Variants in AKR1A1 observed in about 807,000 individuals in gnomAD.
AKR1A1 encodes aldo-keto reductase family 1 member A1, also known as HEL-S-165mP.
In AKR1A1, 26 loss-of-function variants were observed where a neutral mutation model predicts 39.2. The ratio of observed to expected loss-of-function variants is 0.66; its 90% CI spans 0.49 to 0.92. The LOEUF (loss-of-function observed/expected upper bound fraction) is 0.92, where lower values mean the gene tolerates loss of function less well. AKR1A1 is among the 40% of genes least tolerant of loss of function. AKR1A1 has a pLI of 0.00. For missense variants in AKR1A1, 378 were observed against 406.5 expected (o/e 0.93, Z 0.60); for synonymous variants, 141 against 155.5 (o/e 0.91, Z 0.69).
intron 1 of AKR1A1, among the ~76,000 whole-genome samples, chr1:45,558,475 T>G (rs578240573): frequency 2.1e-4 from 31 of 150,044 alleles, no homozygotes; most frequent in Admixed American, 1.8e-3. Context: ...CTCGGCTCAC[T>G]GCAACCTCCA....
At chr1:45,553,643 G>C (rs999126119) in intron 1 of AKR1A1, among the ~76,000 whole-genome samples, 2 of 152,120 alleles carry the variant, frequency 1.3e-5, no homozygotes, top group African/African-American at 4.8e-5. Context: ...CAGCTAAACT[G>C]ACAAAATCTG....
At chr1:45,552,287 TCCTG>T in intron 1 of AKR1A1, 1 of 151,804 alleles carries the variant, frequency 6.6e-6, no homozygotes, top group Middle Eastern at 3.4e-3. Context: ...GCTCAAATAA[TCCTG>T]CCACCTCAGC....
chr1:45,568,430 G>A, intron 5 of AKR1A1, 55 bp from the exon 6 acceptor site: 1 of 1,594,790 alleles, frequency 6.3e-7, no homozygotes, highest in South Asian at 1.1e-5. Flanking sequence ...GTCTGGGATG[G>A]GCCAAGCAAG....
intron 2 of AKR1A1, among the ~76,000 whole-genome samples, chr1:45,562,611 G>A (rs1248411088): frequency 1.3e-5 from 2 of 152,022 alleles, no homozygotes; most frequent in East Asian, 3.9e-4. Flanking sequence ...ATGGGTTCAA[G>A]TGATTCTCCT....
At chr1:45,568,285 T>C (rs1252303807) in intron 5 of AKR1A1, 108 bp downstream of exon 5, 13 of 1,368,406 alleles carry the variant, frequency 9.5e-6, no homozygotes, top group Admixed American at 2.2e-5. Flanking sequence ...GTCAGAGTGT[T>C]GGTGCAGAAG....
At chr1:45,568,343 G>C (rs1029798521) in intron 5 of AKR1A1, 142 bp from the exon 6 acceptor site, 2 of 1,238,232 alleles carry the variant, frequency 1.6e-6, no homozygotes, top group Admixed American at 4.3e-5. Flanking sequence ...GAATGAAATT[G>C]CCGATGGGAA....
Position 45,570,013 on chromosome 1 carries a change from C to A in AKR1A1, c.*57C>A. The A allele has an allele frequency of 6.6e-7, 1 of 1,511,316 alleles. No homozygotes were observed. The allele number at this position is 1,511,316 out of a possible 1,614,324, so 93.6% of individuals were successfully genotyped here. On this transcript the variant is annotated 3_prime_UTR_variant, in exon 9 of 9. Coordinates refer to ENST00000351829, the MANE Select transcript of AKR1A1 (RefSeq NM_153326.3). ...TGCAGCTAATGAGGTCCTGCCACAA[C>A]GGAAAGAGGGAGTTAATAAAGCCAT...
intron 1 of AKR1A1, among the ~76,000 whole-genome samples, chr1:45,559,644 T>C (rs1372089431): frequency 4.0e-5 from 5 of 126,252 alleles, no homozygotes; most frequent in South Asian, 2.8e-4. Context: ...CTTTTTTTTT[T>C]TTTTTTTTTT....
Position 45,566,533 on chromosome 1 carries a change from A to G in AKR1A1, c.85-36A>G, listed in dbSNP as rs1644345691. ...GTGGTGACAGTAGAAGGCTGAAACCAACATAGCTGAAACCTCTGCTTCTCT... is the reference window on the plus strand; with the variant it reads ...GTGGTGACAGTAGAAGGCTGAAACCGACATAGCTGAAACCTCTGCTTCTCT... On this transcript the variant is annotated intron_variant, in intron 2 of 8. Transcript: ENST00000351829. 8 of 1,612,396 alleles carry G rather than the reference A, an allele frequency of 5.0e-6. No homozygotes were observed. The Admixed American group carries it at 1.0e-4, about 20-fold the overall frequency.
chr1:45,566,610 C>T lies in AKR1A1; in HGVS notation c.126C>T (p.Arg42=). The change falls in exon 3 of 9, where the codon CGC becomes CGT. Residue 42 remains arginine, a synonymous_variant. Coordinates refer to ENST00000351829, the MANE Select transcript of AKR1A1 (RefSeq NM_153326.3). ...AVKYALSVGY[R]HIDCAAIYGN... is the part of the protein sequence containing the mutation. ...AGTATGCCCTTAGCGTAGGCTACCG[C>T]CACATTGATTGTGCTGCTATCTACG... 1 of 1,614,274 alleles carries T rather than the reference C, an allele frequency of 6.2e-7. No homozygotes were observed. The highest frequency in any genetic ancestry group is 1.7e-5 in the Admixed American group (1 of 60,030).
intron 6 of AKR1A1, 44 bp downstream of exon 6, chr1:45,568,728 G>C: frequency 1.2e-6 from 2 of 1,606,486 alleles, no homozygotes; most frequent in Non-Finnish European, 1.7e-6. Context: ...TGGGAGGCAA[G>C]GGTTAAGGGA....
In AKR1A1 at chr1:45,568,605, G is replaced by A; in HGVS notation, c.673G>A (p.Glu225Lys). The A allele has an allele frequency of 6.2e-7, 1 of 1,614,022 alleles. No individual in the cohort carries two copies. The highest frequency in any genetic ancestry group is 8.5e-7 in the Non-Finnish European group (1 of 1,179,978). Residue 225 changes from glutamate to lysine, a missense_variant, in exon 6 of 9, where the codon GAG becomes AAG. Transcript: ENST00000351829. ...SSDRAWRDPD[E>K]PVLLEEPVVL... ...TGATCGTGCATGGCGTGATCCTGAT[G>A]AGCCTGTCCTGCTGGAGGAACCAGT...
intron 1 of AKR1A1, among the ~76,000 whole-genome samples, chr1:45,558,860 C>T (rs1340962111): frequency 6.6e-6 from 1 of 152,156 alleles, no homozygotes; most frequent in Non-Finnish European, 1.5e-5. Context: ...CTCTATCCTA[C>T]ATCCTTTTAG....
Position 45,550,875 on chromosome 1 carries a change from G to A in AKR1A1, c.-287G>A, listed in dbSNP as rs1380977484. 6.6e-6 allele frequency: 1 copy of A among 152,434 alleles called. No individual in the cohort carries two copies. The highest frequency in any genetic ancestry group is 2.4e-5 in the African/African-American group (1 of 41,466). The allele number at this position is 152,434 out of a possible 1,614,324, so 9.4% of individuals were successfully genotyped here. A position where few individuals can be genotyped will look rare whatever the true frequency, so the allele number is the denominator to read the frequency against. On this transcript the variant is annotated 5_prime_UTR_variant, in exon 1 of 9. Coordinates refer to ENST00000351829, the MANE Select transcript of AKR1A1 (RefSeq NM_153326.3). ...AGGAGTTCTCCAAACCCGCGCTGCG[G>A]AGTGAGTGACCAAGTTCCGGCCAGT...
intron 1 of AKR1A1, among the ~76,000 whole-genome samples, chr1:45,554,560 C>A (rs1466018180): frequency 6.6e-6 from 1 of 152,206 alleles, no homozygotes; most frequent in African/African-American, 2.4e-5. Flanking sequence ...GCCTGGGCAA[C>A]AGAGTGAGAC....
rs776007069 is a variant in AKR1A1, at chr1:45,568,465, T to C, written c.553-20T>C. The C allele has an allele frequency of 2.5e-6, 4 of 1,612,974 alleles. No individual in the cohort carries two copies. In the South Asian group the frequency reaches 4.4e-5, roughly 18 times the overall value. ...GCTGGGTGTCACCACTTCATGGTGATGGGTTATTCTTTGGCTCAGGTGGAA... is the reference window on the plus strand; with the variant it reads ...GCTGGGTGTCACCACTTCATGGTGACGGGTTATTCTTTGGCTCAGGTGGAA... On this transcript the variant is annotated intron_variant, in intron 5 of 8. Transcript: ENST00000351829.
At chr1:45,557,548 G>A (rs535891934) in intron 1 of AKR1A1, among the ~76,000 whole-genome samples, 2 of 152,240 alleles carry the variant, frequency 1.3e-5, no homozygotes, top group African/African-American at 4.8e-5. Flanking sequence ...CTTAAGCCAG[G>A]GTGTTGTTCA....
At chr1:45,560,542 C>G (rs1236085676) in intron 1 of AKR1A1, among the ~76,000 whole-genome samples, 1 of 152,098 alleles carries the variant, frequency 6.6e-6, no homozygotes, top group Non-Finnish European at 1.5e-5. Flanking sequence ...CTTAGGAGTT[C>G]AAGGCTGCAG....
intron 5 of AKR1A1, 59 bp from the exon 6 acceptor site, chr1:45,568,426 G>C: frequency 1.9e-6 from 3 of 1,584,388 alleles, no homozygotes; most frequent in Non-Finnish European, 2.6e-6. Context: ...GCATGTCTGG[G>C]ATGGGCCAAG....
Sources: gnomAD v4.1 joint callset for allele counts (sites outside exome capture counted in the v4.1 genomes callset) on GRCh38, gnomAD v4.1.1 for gene constraint, MANE v1.5 for transcripts, NCBI Gene and HGNC (gene_info 2026-07-23, HGNC 2026-07-21) for gene names.